The following EFCAB3 variants were observed in gnomAD, a reference collection of about 807,000 sequenced individuals.
The protein encoded by EFCAB3 is EF-hand calcium binding domain 3.
A neutral mutation model predicts 42.2 loss-of-function variants in EFCAB3; 36 were observed. The ratio of observed to expected loss-of-function variants is 0.85; its 90% CI spans 0.65 to 1.13. The LOEUF is 1.13. Ranked by LOEUF, EFCAB3 falls within the 50% of genes most tolerant of loss-of-function variation. The probability of loss-of-function intolerance (pLI) is 0.00; values close to 1 mark genes in which losing one functional copy is unlikely to be tolerated. For missense variants in EFCAB3, 418 were observed against 505.1 expected (o/e 0.83, Z 1.65); for synonymous variants, 170 against 172.8 (o/e 0.98, Z 0.13).
intron 9 of EFCAB3, among the ~76,000 whole-genome samples, chr17:62,415,198 G>A (rs1028155216): frequency 2.0e-5 from 3 of 152,078 alleles, no homozygotes; most frequent in Admixed American, 6.6e-5. Flanking sequence ...AGATGAGGCA[G>A]TCTCCAACCT....
intron 8 of EFCAB3, among the ~76,000 whole-genome samples, chr17:62,409,167 C>T (rs1032155902): frequency 6.6e-6 from 1 of 152,200 alleles, no homozygotes; most frequent in African/African-American, 2.4e-5. Flanking sequence ...AAGCAATTCT[C>T]CTGCCTCAGC....
intron 8 of EFCAB3, among the ~76,000 whole-genome samples, chr17:62,407,637 TC>T (rs2070459891): frequency 6.6e-6 from 1 of 152,138 alleles, no homozygotes; most frequent in Non-Finnish European, 1.5e-5. Context: ...CTCGACTAGA[TC>T]CCCATTTATG....
rs578144636 is a variant in EFCAB3, at chr17:62,391,709, A to G, written c.152-113A>G. The G allele has an allele frequency of 4.2e-6, 5 of 1,179,908 alleles. No homozygotes were observed. In the African/African-American group the frequency reaches 6.1e-5, roughly 14 times the overall value. 73.1% of individuals were successfully genotyped at this position (1,179,908 alleles called of 1,614,324 possible). A position where few individuals can be genotyped will look rare whatever the true frequency, so the allele number is the denominator to read the frequency against. On this transcript the variant is annotated intron_variant, in intron 3 of 9. Transcript: ENST00000305286. The stretch of plus-strand genomic sequence containing the variant: ...CTATTAAGCACTCATTTTTTTCGCA[A>G]TCCTTTTTTTAGAACATGATCTCCA...
Position 62,415,137 on chromosome 17 carries a change from C to A in EFCAB3, c.991-866C>A, listed in dbSNP as rs188252097. 2.5e-3 allele frequency among the ~76,000 whole-genome samples: 375 copies of A among 151,778 alleles called. 1 individual carries two copies. Among genetic ancestry groups the A allele is most frequent in the African/African-American group, 6.0e-3 (247 of 41,362 alleles). On this transcript the variant is annotated intron_variant, in intron 9 of 9. Coordinates refer to ENST00000305286, the MANE Select transcript of EFCAB3 (RefSeq NM_173503.4). ...AAAAAAACAAAAAAAAACAAAAAAA[C>A]CACATTTTTCAAATCTGTCCCCTTC...
intron 2 of EFCAB3, among the ~76,000 whole-genome samples, chr17:62,385,924 T>C (rs969594528): frequency 6.6e-6 from 1 of 151,016 alleles, no homozygotes; most frequent in African/African-American, 2.4e-5. Flanking sequence ...AGGCGGGGTT[T>C]CACCATGTTA....
At chr17:62,375,618 T>G (rs900582889), upstream of EFCAB3, among the ~76,000 whole-genome samples, 15 of 152,196 alleles carry the variant, frequency 9.9e-5, no homozygotes, top group African/African-American at 3.6e-4. Flanking sequence ...TTCAGATAAT[T>G]GAAGATTCAC....
At chr17:62,392,640 G>GA (rs1555571912) in intron 4 of EFCAB3, among the ~76,000 whole-genome samples, 1 of 146,652 alleles carries the variant, frequency 6.8e-6, no homozygotes, top group Non-Finnish European at 1.5e-5. Flanking sequence ...TACAGATAAT[G>GA]TTTTTTTTTT....
chr17:62,416,044 T>G lies in EFCAB3; in HGVS notation c.1032T>G (p.Leu344=). ...ATACCTATAATTTAGGAATTGCCCT[T>G]GAACACCGAAAAGAGATGCTAAACC... ...ATDTYNLGIA[L]EHRKEMLNLW... is the part of the protein sequence containing the mutation. Residue 344 remains leucine (L), a synonymous_variant, in exon 10 of 10, where the codon CTT becomes CTG. Transcript: ENST00000305286. 1 of 1,613,864 alleles carries G rather than the reference T, an allele frequency of 6.2e-7. No individual in the cohort carries two copies. The highest frequency in any genetic ancestry group is 8.5e-7 in the Non-Finnish European group (1 of 1,179,834).
At chr17:62,403,958 T>C (rs775354897) in intron 6 of EFCAB3, among the ~76,000 whole-genome samples, 1 of 152,168 alleles carries the variant, frequency 6.6e-6, no homozygotes, top group Non-Finnish European at 1.5e-5. Context: ...CCCTCATCTC[T>C]TGTAACTTCC....
intron 3 of EFCAB3, among the ~76,000 whole-genome samples, chr17:62,389,699 A>G (rs1440329565): frequency 6.6e-6 from 1 of 152,090 alleles, no homozygotes; most frequent in Non-Finnish European, 1.5e-5. Context: ...CCTTCCACCA[A>G]CTTTTTCTAT....
At position 62,415,717 on chromosome 17, in the gene EFCAB3, C is replaced by T. The variant is rs746288707; in HGVS notation, c.991-286C>T. 1.9e-4 allele frequency among the ~76,000 whole-genome samples: 29 copies of T among 152,278 alleles called. No homozygotes were observed. In the Middle Eastern group the frequency reaches 0.014, roughly 71 times the overall value. ...TGAACTGAGTGGCTGAATTGGCCCT[C>T]CTGTTATATCCCTAGCCTATCTCCA... On this transcript the variant is annotated intron_variant, in intron 9 of 9. Transcript: ENST00000305286.
At position 62,383,146 on chromosome 17, in the gene EFCAB3, G is replaced by A. The variant is rs76620189; in HGVS notation, c.74+93G>A. 8,121 of 1,197,238 alleles carry A rather than the reference G, an allele frequency of 6.8e-3. 617 individuals are homozygous for A. The East Asian group carries it at 0.17, about 25-fold the overall frequency. 74.2% of individuals were successfully genotyped at this position (1,197,238 alleles called of 1,614,324 possible). On this transcript the variant is annotated intron_variant, in intron 2 of 9. Coordinates refer to ENST00000305286, the MANE Select transcript of EFCAB3 (RefSeq NM_173503.4). ...TAGAATTTTGTCTAGCAGGTTTTCC[G>A]ATCTTTACTGGGAAGCCCCTAAAAA...
At chr17:62,391,223 G>A (rs1252477947) in intron 3 of EFCAB3, among the ~76,000 whole-genome samples, 2 of 152,066 alleles carry the variant, frequency 1.3e-5, no homozygotes, top group East Asian at 1.9e-4. Flanking sequence ...TCCTGACCTC[G>A]TGATCCACGA....
chr17:62,388,118 G>T (rs760523937), intron 3 of EFCAB3, among the ~76,000 whole-genome samples: 1 of 152,104 alleles, frequency 6.6e-6, no homozygotes, highest in South Asian at 2.1e-4. Context: ...GCTGAGGCAG[G>T]GAGAATTGCT....
At chr17:62,370,381 A>G in intron 1 of EFCAB3, 1 of 1,515,486 alleles carries the variant, frequency 6.6e-7, no homozygotes, top group Non-Finnish European at 9.0e-7. Flanking sequence ...TGGGCTGGGC[A>G]TGGTGATTCA....
chr17:62,381,306 T>C (rs540904071), intron 1 of EFCAB3, among the ~76,000 whole-genome samples: 194 of 152,158 alleles, frequency 1.3e-3, no homozygotes, highest in African/African-American at 4.3e-3. Context: ...GCTTCATCCA[T>C]GTGCCTACAA....
At chr17:62,387,260 A>G in intron 2 of EFCAB3, 80 bp from the exon 3 acceptor site, 2 of 1,086,134 alleles carry the variant, frequency 1.8e-6, no homozygotes, top group Non-Finnish European at 2.7e-6. Context: ...CATTCCAGTA[A>G]GCAGAAACTG....
intron 3 of EFCAB3, among the ~76,000 whole-genome samples, chr17:62,390,030 C>G (rs2070289891): frequency 6.6e-6 from 1 of 151,980 alleles, no homozygotes; most frequent in Admixed American, 6.6e-5. Context: ...TCGTGATCCA[C>G]CCACCTTGGC....
intron 1 of EFCAB3, among the ~76,000 whole-genome samples, chr17:62,370,523 G>A (rs1046789032): frequency 3.3e-5 from 5 of 152,110 alleles, no homozygotes; most frequent in African/African-American, 1.2e-4. Flanking sequence ...GGGCGTGGTG[G>A]TGGGCACCTG....
Sources: gnomAD v4.1 joint callset for allele counts (sites outside exome capture counted in the v4.1 genomes callset) on GRCh38, gnomAD v4.1.1 for gene constraint, MANE v1.5 for transcripts, NCBI Gene and HGNC (gene_info 2026-07-23, HGNC 2026-07-21) for gene names.